The following SIN3A variants were observed in gnomAD, a reference collection of about 807,000 sequenced individuals.
SIN3A encodes SIN3 transcription regulator family member A.
SIN3A carries 14 observed loss-of-function variants against 146.1 expected under a neutral mutation model. The observed-to-expected ratio is 0.10, with a 90% CI of 0.06 to 0.15. SIN3A has a LOEUF of 0.15. Among genes scored for constraint, SIN3A ranks in the 10% least tolerant of loss-of-function variants. SIN3A has a pLI of 1.00. For missense variants in SIN3A, 1,028 were observed against 1,576.0 expected (o/e 0.65, Z 5.89); for synonymous variants, 572 against 572.0 (o/e 1.00, Z 0.00).
Position 75,428,338 on chromosome 15 carries a change from G to C in SIN3A, c.189+1849C>G, listed in dbSNP as rs555783796. On this transcript the variant is annotated intron_variant, in intron 2 of 20. Transcript: ENST00000394947. The stretch of plus-strand genomic sequence containing the variant: ...TTTTTGTTTTGTTTTTAAGGAGACA[G>C]GGTCTTGCACTGTTGTCCAGTCTGA... Among the ~76,000 whole-genome samples the C allele has an allele frequency of 3.3e-5, 5 of 152,250 alleles. No individual in the cohort carries two copies. The East Asian group carries it at 9.6e-4, about 29-fold the overall frequency.
At chr15:75,420,095 T>TA (rs2073814536) in intron 3 of SIN3A, 1 of 152,302 alleles carries the variant, frequency 6.6e-6, no homozygotes, top group East Asian at 1.9e-4. Flanking sequence ...ACTCTGCTGA[T>TA]AAAGTTTCTT....
intron 4 of SIN3A, among the ~76,000 whole-genome samples, chr15:75,413,686 G>C (rs1302068874): frequency 6.6e-6 from 1 of 151,992 alleles, no homozygotes; most frequent in Non-Finnish European, 1.5e-5. Flanking sequence ...TGGGATTACA[G>C]GCACCCGCCA....
intron 15 of SIN3A, 86 bp from the exon 16 acceptor site, chr15:75,389,907 A>G: frequency 1.5e-6 from 2 of 1,336,308 alleles, no homozygotes; most frequent in South Asian, 2.7e-5. Flanking sequence ...CAGCTGGCCT[A>G]AATGGCATTT....
chr15:75,396,698 T>C (rs1329550076), intron 12 of SIN3A, among the ~76,000 whole-genome samples: 33 of 152,192 alleles, frequency 2.2e-4, no homozygotes, highest in Admixed American at 2.2e-3. Flanking sequence ...CTGGATTAAA[T>C]GATACAATCC....
chr15:75,379,629 C>G (rs1231690668), intron 19 of SIN3A, among the ~76,000 whole-genome samples: 1 of 152,176 alleles, frequency 6.6e-6, no homozygotes, highest in Non-Finnish European at 1.5e-5. Context: ...CCGGCAGGGC[C>G]CTTTTTGCTG....
chr15:75,373,269 TC>T (rs2072787287), intron 20 of SIN3A, among the ~76,000 whole-genome samples: 1 of 152,046 alleles, frequency 6.6e-6, no homozygotes, highest in Non-Finnish European at 1.5e-5. Context: ...TCCCAGCTAC[TC>T]GAGAGGCTGA....
chr15:75,412,502 G>A (rs980198208), intron 5 of SIN3A, among the ~76,000 whole-genome samples: 3 of 152,150 alleles, frequency 2.0e-5, no homozygotes, highest in Non-Finnish European at 4.4e-5. Flanking sequence ...CCACCTGTTG[G>A]GATGTTCATG....
At chr15:75,376,350 AG>A (rs1226543955) in intron 19 of SIN3A, 1 of 166,776 alleles carries the variant, frequency 6.0e-6, no homozygotes, top group Non-Finnish European at 1.3e-5. Context: ...CTTTCAACTG[AG>A]GTTCCTCATC....
At chr15:75,382,189 A>G (rs1448553426) in intron 17 of SIN3A, among the ~76,000 whole-genome samples, 5 of 152,220 alleles carry the variant, frequency 3.3e-5, no homozygotes, top group Admixed American at 1.3e-4. Flanking sequence ...ACTGAAATTC[A>G]GAAGAGTTCT....
intron 3 of SIN3A, chr15:75,422,208 C>T (rs1223752113): frequency 8.9e-6 from 2 of 223,586 alleles, no homozygotes; most frequent in African/African-American, 4.6e-5. Flanking sequence ...CAGTGAGACT[C>T]CCATCTCTGA....
chr15:75,419,036 C>T (rs1282969882), intron 3 of SIN3A, among the ~76,000 whole-genome samples: 1 of 152,056 alleles, frequency 6.6e-6, no homozygotes, highest in Admixed American at 6.6e-5. Context: ...GGATTACAGG[C>T]GTGAGCCACC....
Position 75,372,220 on chromosome 15 carries a change from G to GAA in SIN3A, c.3592-13_3592-12dup. On this transcript the variant is annotated splice_polypyrimidine_tract_variant and intron_variant, in intron 20 of 20. Transcript: ENST00000394947. ...TACACGCTCATGGGACTGCAAAACA[G>GAA]AAAAAAAAAATTTTATTAAATGAAG... 1 of 1,503,510 alleles carries GAA rather than the reference G, an allele frequency of 6.7e-7. No homozygotes were observed. Among genetic ancestry groups the GAA allele is most frequent in the Non-Finnish European group, 8.9e-7 (1 of 1,120,124 alleles). 93.1% of individuals were successfully genotyped at this position (1,503,510 alleles called of 1,614,324 possible).
chr15:75,422,807 T>C lies in SIN3A; in HGVS notation c.206A>G (p.Gln69Arg). 6.2e-7 allele frequency: 1 copy of C among 1,613,220 alleles called. No homozygotes were observed. The highest frequency in any genetic ancestry group is 8.5e-7 in the Non-Finnish European group (1 of 1,179,186). The change falls in exon 3 of 21, where the codon CAG becomes CGG. Residue 69 changes from glutamine (Q) to arginine (R), a missense_variant. Gln to Arg is a conservative substitution (Grantham distance 43). Around this residue, in one of 9 missense-constraint regions of SIN3A, gnomAD observed 152 missense variants for 231.5 expected, o/e 0.66. Coordinates refer to ENST00000394947, the MANE Select transcript of SIN3A (RefSeq NM_001145358.2). Reference sequence around the variant, plus strand: ...AGCGGGCCCATGACTGCCGGAGCTCTGTGGCATGGCTGAAACCTGGGGTGA... The same window carrying C: ...AGCGGGCCCATGACTGCCGGAGCTCCGTGGCATGGCTGAAACCTGGGGTGA... ...TPSYQVSAMP[Q>R]SSGSHGPAIA... is the part of the protein sequence containing the mutation.
chr15:75,376,087 C>T (rs1221166638), intron 19 of SIN3A: 2 of 594,046 alleles, frequency 3.4e-6, no homozygotes, highest in Admixed American at 3.0e-5. Flanking sequence ...CCCTACTTGA[C>T]TTAGCAGATG....
chr15:75,404,202 T>C (rs76818870), intron 9 of SIN3A, among the ~76,000 whole-genome samples: 2,983 of 152,318 alleles, frequency 0.02, 101 homozygotes, highest in African/African-American at 0.068. Context: ...AGACACTATA[T>C]AGAATCTAGA....
chr15:75,372,735 C>T (rs2072775787), intron 20 of SIN3A, among the ~76,000 whole-genome samples: 1 of 149,878 alleles, frequency 6.7e-6, no homozygotes, highest in South Asian at 2.1e-4. Flanking sequence ...GTGGGAGGAT[C>T]GCTTGAGCCA....
intron 4 of SIN3A, 115 bp from the exon 5 acceptor site, chr15:75,413,160 T>C: frequency 3.1e-6 from 3 of 961,178 alleles, no homozygotes; most frequent in Non-Finnish European, 4.5e-6. Context: ...TTGCCCAGGC[T>C]GGACTGCAAT....
chr15:75,394,490 T>C (rs1269341990), intron 14 of SIN3A, among the ~76,000 whole-genome samples, 190 bp downstream of exon 14: 1 of 152,060 alleles, frequency 6.6e-6, no homozygotes, highest in African/African-American at 2.4e-5. Flanking sequence ...TCAAACAGCT[T>C]AGGTATAAAG....
chr15:75,455,630 C>T (rs2074477760), upstream of SIN3A: 1 of 152,206 alleles, frequency 6.6e-6, no homozygotes, highest in Non-Finnish European at 1.5e-5. Flanking sequence ...CTGTCCCTCG[C>T]CTACCTCGGC....
Sources: allele counts gnomAD v4.1 joint callset (sites outside exome capture counted in the v4.1 genomes callset), GRCh38; gene constraint gnomAD v4.1.1; regional missense constraint gnomAD v4.1.1; transcripts MANE v1.5; gene names NCBI Gene and HGNC (gene_info 2026-07-23, HGNC 2026-07-21).